Variants in AIFM3 observed in about 807,000 individuals in gnomAD.
The protein encoded by AIFM3 is apoptosis-inducing factor 3.
A neutral mutation model predicts 82.7 loss-of-function variants in AIFM3; 71 were observed. The observed-to-expected ratio is 0.86, with a 90% CI of 0.71 to 1.05. AIFM3 has a LOEUF of 1.05. Ranked by LOEUF, AIFM3 falls within the 50% of genes least tolerant of loss-of-function variation. The pLI, the probability that AIFM3 is intolerant of heterozygous loss-of-function variation, is 0.00. For missense variants in AIFM3, 748 were observed against 816.7 expected, an observed-to-expected ratio of 0.92 and a Z score of 1.03; for synonymous variants, 337 against 329.1, an observed-to-expected ratio of 1.02 and a Z score of -0.26.
At chr22:20,979,089 T>A (rs1443833064) in intron 16 of AIFM3, among the ~76,000 whole-genome samples, 182 bp from the exon 17 acceptor site, 1 of 152,170 alleles carries the variant, frequency 6.6e-6, no homozygotes, top group East Asian at 1.9e-4. Context: ...GAGGCAGGTG[T>A]TCCCCTGCAC....
intron 19 of AIFM3, chr22:20,980,424 T>C: frequency 1.7e-6 from 1 of 595,250 alleles, no homozygotes; most frequent in East Asian, 2.8e-5. Flanking sequence ...GACACCTAAC[T>C]GGACATAGTT....
rs150898463 is a variant in AIFM3 at position 20,980,785 on chromosome 22, G to A, written c.1778+18G>A. ...CACAGCAAGTACGTGTGTCCTTCAT[G>A]TTGACCGTTCTGAGCCTTTCCCATG... is the stretch of plus-strand genomic sequence containing the variant. On this transcript the variant is annotated intron_variant, in intron 20 of 20. Transcript: ENST00000440238. 522 of 1,614,162 alleles carry A rather than the reference G, an allele frequency of 3.2e-4. No individual in the cohort carries two copies. Among genetic ancestry groups the A allele is most frequent in the Non-Finnish European group, 4.2e-4 (500 of 1,180,026 alleles).
intron 9 of AIFM3, 132 bp from the exon 10 acceptor site, chr22:20,976,083 G>A (rs776811444): frequency 9.0e-6 from 9 of 997,880 alleles, no homozygotes; most frequent in Middle Eastern, 2.4e-4. Flanking sequence ...TGAAGCCCAG[G>A]TGGCAGGATC....
intron 19 of AIFM3, chr22:20,980,490 G>C (rs1466128840): frequency 1.7e-6 from 1 of 603,914 alleles, no homozygotes; most frequent in African/African-American, 1.9e-5. Context: ...CCCTGGGTAT[G>C]CCCTCCACAT....
chr22:20,974,614 G>A lies in AIFM3; in HGVS notation c.600G>A (p.Val200=). The A allele has an allele frequency of 6.2e-7, 1 of 1,613,746 alleles. No homozygotes were observed. Among genetic ancestry groups the A allele is most frequent in the Non-Finnish European group, 8.5e-7 (1 of 1,179,880 alleles). The part of the protein sequence containing the change: ...GYSSSTNVLI[V]GAGAAGLVCA... ...GCAGTAGCACCAATGTGCTCATTGTGGGTGCAGGTTGGTAGTGGGGTCATG... is the reference window on the plus strand; with the variant it reads ...GCAGTAGCACCAATGTGCTCATTGTAGGTGCAGGTTGGTAGTGGGGTCATG... The change falls in exon 7 of 21, where the codon GTG becomes GTA. Residue 200 remains valine (V), a synonymous_variant. Transcript: ENST00000440238.
intron 14 of AIFM3, 164 bp downstream of exon 14, chr22:20,977,259 G>A: frequency 9.9e-7 from 1 of 1,005,192 alleles, no homozygotes; most frequent in Non-Finnish European, 1.5e-6. Flanking sequence ...GTTGGGGAAG[G>A]TATGTACTGG....
At chr22:20,977,310 G>C (rs573935231) in intron 14 of AIFM3, 2 of 642,902 alleles carry the variant, frequency 3.1e-6, no homozygotes, top group African/African-American at 3.6e-5. Context: ...CCCAGTGCCC[G>C]CTGCCCAGTA....
At position 20,974,095 on chromosome 22, in the gene AIFM3, T is replaced by C; in HGVS notation, c.388T>C (p.Trp130Arg). The stretch of plus-strand genomic sequence containing the variant: ...GTCCCGTGGTCGGGTGCGCTGCCCC[T>C]GGCACGGCGCCTGCTTCAACATCAG... ...VLSRGRVRCPWHGACFNISTG... is the reference protein window; with the variant it reads ...VLSRGRVRCPRHGACFNISTG... Residue 130 changes from tryptophan to arginine, a missense_variant, in exon 5 of 21, where the codon TGG becomes CGG. By Grantham distance (101) the Trp-to-Arg change is moderately radical. This residue lies in a region of AIFM3 where 148 missense variants were observed against 134.1 expected (regional missense o/e 1.10). Coordinates refer to ENST00000440238, the MANE Select transcript of AIFM3 (RefSeq NM_001386814.1). The C allele has an allele frequency of 1.2e-6, 2 of 1,612,222 alleles. No homozygotes were observed. Among genetic ancestry groups the C allele is most frequent in the Non-Finnish European group, 1.7e-6 (2 of 1,179,812 alleles).
chr22:20,973,243 A>G, intron 2 of AIFM3, 64 bp from the exon 3 acceptor site: 1 of 1,539,378 alleles, frequency 6.5e-7, no homozygotes, highest in Non-Finnish European at 8.8e-7. Flanking sequence ...CTCTGCACCC[A>G]GCTTGAGGGA....
intron 4 of AIFM3, 95 bp from the exon 5 acceptor site, chr22:20,973,968 T>A (rs971091166): frequency 1.3e-6 from 2 of 1,490,670 alleles, no homozygotes; most frequent in African/African-American, 2.8e-5. Flanking sequence ...TGAAGTCTCC[T>A]GGGCTGTGGG....
chr22:20,974,039 C>A, intron 4 of AIFM3, 24 bp from the exon 5 acceptor site: 1 of 1,584,244 alleles, frequency 6.3e-7, no homozygotes. Context: ...CTGGTGGGCG[C>A]AGCCTAACAC....
Position 20,971,713 on chromosome 22 carries a change from G to C in AIFM3, c.32-1594G>C, listed in dbSNP as rs572321954. Among the ~76,000 whole-genome samples the C allele has an allele frequency of 2.5e-3, 386 of 152,286 alleles. 3 individuals carry two copies. The highest frequency in any genetic ancestry group is 8.6e-3 in the African/African-American group (356 of 41,550). ...GAGAGGTACCTCCTGCTCCAGCATCGGGCCCATGCTGTGCCAGGGGCTTAG... is the reference window on the plus strand; with the variant it reads ...GAGAGGTACCTCCTGCTCCAGCATCCGGCCCATGCTGTGCCAGGGGCTTAG... On this transcript the variant is annotated intron_variant, in intron 2 of 20. Transcript: ENST00000440238.
rs373787248 is a variant in AIFM3 at position 20,979,273 on chromosome 22, C to G, written c.1480C>G (p.Arg494Gly). Residue 494 changes from arginine (R) to glycine (G), a missense_variant and splice_region_variant, in exon 17 of 21, where the codon CGC becomes GGC. Physicochemically the swap from Arg to Gly is moderately radical, Grantham distance 125. Coordinates refer to ENST00000440238, the MANE Select transcript of AIFM3 (RefSeq NM_001386814.1). Reference protein sequence around the residue: ...PHWQMAHAQGRVAAQNMLAQE... With the variant: ...PHWQMAHAQGGVAAQNMLAQE... ...TCTCACGGCCCTGGGTCCCGCAGGG[C>G]GCGTGGCAGCCCAGAACATGTTGGC... 1.4e-5 allele frequency: 21 copies of G among 1,554,760 alleles called. No homozygotes were observed. The highest frequency in any genetic ancestry group is 1.7e-4 in the Middle Eastern group (1 of 5,952).
intron 17 of AIFM3, 42 bp downstream of exon 17, chr22:20,979,411 TA>T (rs1249423662): frequency 1.3e-6 from 2 of 1,483,558 alleles, no homozygotes; most frequent in African/African-American, 1.5e-5. Context: ...CGAGGGCGTT[TA>T]GGGGCGGGGC....
chr22:20,968,284 G>A (rs962543123), intron 2 of AIFM3, among the ~76,000 whole-genome samples: 1 of 152,150 alleles, frequency 6.6e-6, no homozygotes, highest in African/African-American at 2.4e-5. Flanking sequence ...GTTGGGGAAG[G>A]GGCTATGCCC....
intron 2 of AIFM3, among the ~76,000 whole-genome samples, 154 bp downstream of exon 2, chr22:20,968,129 G>A (rs545138345): frequency 6.6e-6 from 1 of 152,226 alleles, no homozygotes; most frequent in Non-Finnish European, 1.5e-5. Context: ...GCCGCCAGGA[G>A]GGGGTAGGGG....
chr22:20,968,216 G>A (rs117012772), intron 2 of AIFM3, among the ~76,000 whole-genome samples: 3,350 of 152,230 alleles, frequency 0.022, 58 homozygotes, highest in Non-Finnish European at 0.034. Context: ...TGTTGGTGGT[G>A]GGAATAACAG....
chr22:20,980,167 TGGAGTACTGGCTAA>T, intron 19 of AIFM3, 43 bp downstream of exon 19: 1 of 1,573,996 alleles, frequency 6.4e-7, no homozygotes, highest in Non-Finnish European at 8.6e-7. Context: ...AGTAGTTCCC[TGGAGTACTGGCTAA>T]GGTGCCTATG....
intron 8 of AIFM3, among the ~76,000 whole-genome samples, 186 bp downstream of exon 8, chr22:20,975,002 G>A (rs1158718852): frequency 2.0e-5 from 3 of 152,164 alleles, no homozygotes; most frequent in East Asian, 1.9e-4. Flanking sequence ...TCACTCTGTC[G>A]CCCAGGCTGG....
Sources: allele counts gnomAD v4.1 joint callset (sites outside exome capture counted in the v4.1 genomes callset), GRCh38; gene constraint gnomAD v4.1.1; regional missense constraint gnomAD v4.1.1; transcripts MANE v1.5; gene names NCBI Gene and HGNC (gene_info 2026-07-23, HGNC 2026-07-21).